NALCN: variants seen among roughly 807,000 people sequenced by gnomAD.
NALCN encodes sodium leak channel, non-selective.
In NALCN, 111 loss-of-function variants were observed where a neutral mutation model predicts 225.3. The ratio of observed to expected loss-of-function variants is 0.49; its 90% CI spans 0.42 to 0.58. NALCN has a LOEUF of 0.58. Among genes scored for constraint, NALCN ranks in the 20% least tolerant of loss-of-function variants. The pLI, the probability that NALCN is intolerant of heterozygous loss-of-function variation, is 0.00. For synonymous variants in NALCN, 764 were observed against 769.0 expected, an observed-to-expected ratio of 0.99 and a Z score of 0.11; for missense variants, 1,378 against 2,202.4, an observed-to-expected ratio of 0.63 and a Z score of 7.49.
Position 101,104,290 on chromosome 13 carries a change from C to A in NALCN, c.2889+5G>T. The A allele has an allele frequency of 6.3e-7, 1 of 1,590,162 alleles. No individual in the cohort carries two copies. The highest frequency in any genetic ancestry group is 8.5e-7 in the Non-Finnish European group (1 of 1,172,900). ...TTTTCATTTAGGCAATAAGCAAAGA[C>A]TTACAAGATATATAAATATGTCCAT... On this transcript the variant is annotated splice_donor_5th_base_variant and intron_variant, in intron 25 of 43. Transcript: ENST00000251127. This position sits in a 1 kb window ranked among gnomAD's most constrained non-coding sequence, Gnocchi z 4.2.
At position 101,111,230 on chromosome 13, in the gene NALCN, G is replaced by C; in HGVS notation, c.2193-4C>G. ...CATGCGCTGTCGGGTGCAAGCTCTA[G>C]GAAAAAAAAAGGAGCCCAAGATAAA... is the stretch of plus-strand genomic sequence containing the variant. On this transcript the variant is annotated splice_region_variant and splice_polypyrimidine_tract_variant and intron_variant, in intron 18 of 43. Transcript: ENST00000251127. 2 of 1,571,114 alleles carry C rather than the reference G, an allele frequency of 1.3e-6. No individual in the cohort carries two copies. Among genetic ancestry groups the C allele is most frequent in the Non-Finnish European group, 1.7e-6 (2 of 1,154,888 alleles).
chr13:101,104,849 T>A lies in NALCN; in HGVS notation c.2636+45A>T. ...GTTGTATGCAGCATAAAATAGTACA[T>A]GAAAACTTTAAATGTGCATGGAAAA... On this transcript the variant is annotated intron_variant, in intron 23 of 43. Transcript: ENST00000251127. This position sits in a 1 kb window ranked among gnomAD's most constrained non-coding sequence, Gnocchi z 4.2. 1 of 1,605,292 alleles carries A rather than the reference T, an allele frequency of 6.2e-7. No homozygotes were observed. Among genetic ancestry groups the A allele is most frequent in the South Asian group, 1.1e-5 (1 of 90,844 alleles).
At chr13:101,099,432 A>G (rs1456650021) in intron 27 of NALCN, among the ~76,000 whole-genome samples, 2 of 152,098 alleles carry the variant, frequency 1.3e-5, no homozygotes, top group African/African-American at 4.8e-5. Flanking sequence ...AATCTATACT[A>G]GATAGCCATA....
intron 11 of NALCN, among the ~76,000 whole-genome samples, chr13:101,252,317 C>G (rs1439933504): frequency 6.6e-6 from 1 of 152,084 alleles, no homozygotes; most frequent in Non-Finnish European, 1.5e-5. Context: ...ATTTTATATC[C>G]ATGTGAAATC....
Position 101,104,727 on chromosome 13 carries a change from G to A in NALCN, c.2637-77C>T. 1 of 1,593,316 alleles carries A rather than the reference G, an allele frequency of 6.3e-7. No homozygotes were observed. Among genetic ancestry groups the A allele is most frequent in the East Asian group, 2.3e-5 (1 of 44,322 alleles). On this transcript the variant is annotated intron_variant, in intron 23 of 43. Transcript: ENST00000251127. This position sits in a 1 kb window ranked among gnomAD's most constrained non-coding sequence, Gnocchi z 4.2. ...CTAAGAGTTAGAGATGATGGCTTCTGTGGCTCTATCAACATGACTGGTATT... is the reference window on the plus strand; with the variant it reads ...CTAAGAGTTAGAGATGATGGCTTCTATGGCTCTATCAACATGACTGGTATT...
chr13:101,313,091 C>T (rs1459113479), intron 7 of NALCN, among the ~76,000 whole-genome samples: 3 of 152,086 alleles, frequency 2.0e-5, no homozygotes, highest in Non-Finnish European at 2.9e-5. Context: ...AAAGGATTCC[C>T]TATTTAATAA....
In NALCN at chr13:101,301,526, A is replaced by G. The variant is rs2043967569; in HGVS notation, c.800-9160T>C. On this transcript the variant is annotated intron_variant, in intron 7 of 43. Coordinates refer to ENST00000251127, the MANE Select transcript of NALCN (RefSeq NM_052867.4). ...TCATGAGGTCAGGAGCTTGAGACCA[A>G]CCTGGCCAACATGGTGAAACCTTGT... Among the ~76,000 whole-genome samples the G allele has an allele frequency of 3.3e-5, 5 of 152,066 alleles. No individual in the cohort carries two copies. The South Asian group carries it at 1.0e-3, about 32-fold the overall frequency.
intron 11 of NALCN, among the ~76,000 whole-genome samples, chr13:101,253,619 T>C (rs1270171637): frequency 6.6e-6 from 1 of 152,204 alleles, no homozygotes; most frequent in Non-Finnish European, 1.5e-5. Context: ...TTAAAATATT[T>C]GACTTTAACA....
chr13:101,179,004 A>G (rs2039080655), intron 14 of NALCN, among the ~76,000 whole-genome samples: 1 of 152,204 alleles, frequency 6.6e-6, no homozygotes, highest in African/African-American at 2.4e-5. Flanking sequence ...AACTGGACAG[A>G]GGGCAGGCTA....
Position 101,059,901 on chromosome 13 carries a change from AC to A in NALCN, c.4821del (p.Leu1609Ter). 9 of 1,613,986 alleles carry A rather than the reference AC, an allele frequency of 5.6e-6. No individual in the cohort carries two copies. Among genetic ancestry groups the A allele is most frequent in the Non-Finnish European group, 7.6e-6 (9 of 1,180,004 alleles). ...LRESQQQELS[R>X]FLNPPSIETT... ...GTCTCGATGCTGGGCGGGTTCAGAA[AC>A]CGGCTCAGCTCTTGCTGCTGACTCT... On this transcript the variant is annotated frameshift_variant, in exon 42 of 44. Transcript: ENST00000251127. LOFTEE classifies it high-confidence loss of function.
At chr13:101,344,449 A>G (rs1210914010) in intron 7 of NALCN, among the ~76,000 whole-genome samples, 10 of 152,216 alleles carry the variant, frequency 6.6e-5, no homozygotes, top group African/African-American at 1.9e-4. Flanking sequence ...CACGTTCAGT[A>G]CTATATTCTA....
chr13:101,405,486 AC>A (rs1159350270), intron 1 of NALCN, among the ~76,000 whole-genome samples: 5 of 152,016 alleles, frequency 3.3e-5, no homozygotes, highest in African/African-American at 1.2e-4. Flanking sequence ...TGATACCTGC[AC>A]CTCCCTCTGC....
At chr13:101,364,356 T>G (rs2046326863) in intron 6 of NALCN, among the ~76,000 whole-genome samples, 1 of 152,108 alleles carries the variant, frequency 6.6e-6, no homozygotes, top group Non-Finnish European at 1.5e-5. Context: ...AAAGAAAATG[T>G]GATATGTATA....
chr13:101,105,134 T>G (rs918597955), intron 22 of NALCN, among the ~76,000 whole-genome samples, 184 bp from the exon 23 acceptor site: 4 of 152,228 alleles, frequency 2.6e-5, no homozygotes, highest in African/African-American at 9.6e-5. Context: ...AAAGAAAAAA[T>G]CCAAAGAATT....
intron 15 of NALCN, among the ~76,000 whole-genome samples, chr13:101,158,797 T>C (rs2038028651): frequency 6.6e-6 from 1 of 152,212 alleles, no homozygotes; most frequent in Non-Finnish European, 1.5e-5. Flanking sequence ...AGTCCTCTCT[T>C]GCGCTTTGGC....
At chr13:101,086,955 T>C (rs1391413437) in intron 30 of NALCN, among the ~76,000 whole-genome samples, 2 of 152,168 alleles carry the variant, frequency 1.3e-5, no homozygotes, top group African/African-American at 4.8e-5. Context: ...TAGACACTAA[T>C]GTAATTACTT....
chr13:101,319,318 C>T (rs1465608049), intron 7 of NALCN, among the ~76,000 whole-genome samples: 2 of 152,244 alleles, frequency 1.3e-5, no homozygotes, highest in East Asian at 3.9e-4. Flanking sequence ...TGTTCTTGGC[C>T]CCTTTAGTTT....
chr13:101,209,699 T>A (rs1163462177), intron 13 of NALCN, among the ~76,000 whole-genome samples: 4 of 152,218 alleles, frequency 2.6e-5, no homozygotes, highest in Non-Finnish European at 4.4e-5. Context: ...TCCCTCGCTC[T>A]TCAAGAGAGT....
chr13:101,334,286 G>A (rs1232651933), intron 7 of NALCN, among the ~76,000 whole-genome samples: 1 of 152,060 alleles, frequency 6.6e-6, no homozygotes, highest in Non-Finnish European at 1.5e-5. Context: ...TCAGACAGAA[G>A]GGAGATGAGT....
Sources: gnomAD v4.1 joint callset for allele counts (sites outside exome capture counted in the v4.1 genomes callset) on GRCh38, gnomAD v4.1.1 for gene constraint, Gnocchi (gnomAD v3.1) non-coding constraint, MANE v1.5 for transcripts, NCBI Gene and HGNC (gene_info 2026-07-23, HGNC 2026-07-21) for gene names.